MSANTD3: variants seen among roughly 807,000 people sequenced by gnomAD.
MSANTD3 encodes Myb/SANT DNA binding domain containing 3, also known as myb/SANT-like DNA-binding domain-containing protein 3.
MSANTD3 carries 11 observed loss-of-function variants against 27.7 expected under a neutral mutation model. The observed-to-expected ratio is 0.40, with a 90% CI of 0.25 to 0.66. MSANTD3 has a LOEUF of 0.66. Among genes scored for constraint, MSANTD3 ranks in the 30% least tolerant of loss-of-function variants. MSANTD3 has a pLI of 0.41. For synonymous variants in MSANTD3, 131 were observed against 127.2 expected (o/e 1.03, Z -0.20); for missense variants, 250 against 336.5 (o/e 0.74, Z 2.01).
intron 2 of MSANTD3, among the ~76,000 whole-genome samples, chr9:100,446,093 C>T (rs1340204536): frequency 6.6e-6 from 1 of 152,086 alleles, no homozygotes; most frequent in Non-Finnish European, 1.5e-5. Context: ...GCTAGGATGA[C>T]CAAAGGTCAA....
intron 2 of MSANTD3, among the ~76,000 whole-genome samples, chr9:100,447,133 G>T (rs577468292): frequency 1.1e-4 from 16 of 152,104 alleles, no homozygotes; most frequent in Admixed American, 1.0e-3. Flanking sequence ...AGATTGAGTT[G>T]TTTTCTCCTT....
In MSANTD3 at chr9:100,451,019, G is replaced by A. The variant is rs1265360189; in HGVS notation, c.*53G>A. On this transcript the variant is annotated 3_prime_UTR_variant, in exon 3 of 3. Coordinates refer to ENST00000395067, the MANE Select transcript of MSANTD3 (RefSeq NM_080655.3). ...AATCTGTGTTGGCAAAGAATGTCTG[G>A]AACATGGACTTGGCGGTCAGTAACC... 1 of 1,511,146 alleles carries A rather than the reference G, an allele frequency of 6.6e-7. No homozygotes were observed. The highest frequency in any genetic ancestry group is 8.8e-7 in the Non-Finnish European group (1 of 1,130,044). 93.6% of individuals were successfully genotyped at this position (1,511,146 alleles called of 1,614,324 possible). A position where few individuals can be genotyped will look rare whatever the true frequency, so the allele number is the denominator to read the frequency against.
At chr9:100,449,535 G>A (rs1341777869) in intron 2 of MSANTD3, among the ~76,000 whole-genome samples, 3 of 152,278 alleles carry the variant, frequency 2.0e-5, no homozygotes, top group South Asian at 4.1e-4. Flanking sequence ...TTAAAAAAGC[G>A]AGACTACAGT....
At chr9:100,442,427 C>G (rs1836650397) in intron 2 of MSANTD3, 71 bp downstream of exon 2, 1 of 1,512,382 alleles carries the variant, frequency 6.6e-7, no homozygotes, top group Admixed American at 2.3e-5. Flanking sequence ...TTAAAACCCT[C>G]CACTTTGAGG....
chr9:100,434,610 CTT>C (rs1401126750), intron 1 of MSANTD3, among the ~76,000 whole-genome samples: 1 of 152,206 alleles, frequency 6.6e-6, no homozygotes, highest in Admixed American at 6.5e-5. Context: ...CAGGCCTTCT[CTT>C]ATCAATTATT....
intron 2 of MSANTD3, chr9:100,449,299 T>G (rs1038916986): frequency 2.1e-6 from 2 of 959,604 alleles, no homozygotes; most frequent in African/African-American, 1.8e-5. Context: ...ATCCATATAC[T>G]CTTCCCTTTA....
At chr9:100,434,433 A>G (rs1836433197) in intron 1 of MSANTD3, among the ~76,000 whole-genome samples, 1 of 152,114 alleles carries the variant, frequency 6.6e-6, no homozygotes, top group African/African-American at 2.4e-5. Flanking sequence ...GGGAAGCTGA[A>G]GCAGGAGTAT....
rs1192342008 is a variant in MSANTD3, at chr9:100,451,256, GT to G, written c.*301del. 3,294 of 220,226 alleles carry G rather than the reference GT, an allele frequency of 0.015. 1 individual carries two copies. Among genetic ancestry groups the G allele is most frequent in the East Asian group, 0.023 (268 of 11,806 alleles). 13.6% of individuals were successfully genotyped at this position (220,226 alleles called of 1,614,324 possible). On this transcript the variant is annotated 3_prime_UTR_variant, in exon 3 of 3. Transcript: ENST00000395067. ...ACCACGTGTGAGTGTTGTTGTTGTT[GT>G]TTTTTTTTTTAATCAAATGCAAGTG...
chr9:100,445,019 T>A (rs1429079873), intron 2 of MSANTD3: 11 of 596,450 alleles, frequency 1.8e-5, no homozygotes. Flanking sequence ...TGTGTCCAGG[T>A]CCCATCTGGA....
At chr9:100,449,115 G>C (rs768670140) in intron 2 of MSANTD3, 2 of 985,186 alleles carry the variant, frequency 2.0e-6, no homozygotes, top group Non-Finnish European at 1.2e-6. Context: ...GAAGATGCTC[G>C]TTATTGGAAA....
In MSANTD3 at chr9:100,451,094, T is replaced by A; in HGVS notation, c.*128T>A. ...ATTAGAGTGGTAGTAGTCACTTATT[T>A]AAGAATTCATTCAGGTAAACAGCTG... On this transcript the variant is annotated 3_prime_UTR_variant, in exon 3 of 3. Coordinates refer to ENST00000395067, the MANE Select transcript of MSANTD3 (RefSeq NM_080655.3). 4 of 909,980 alleles carry A rather than the reference T, an allele frequency of 4.4e-6. No homozygotes were observed. The highest frequency in any genetic ancestry group is 6.6e-6 in the Non-Finnish European group (4 of 610,562). The allele number at this position is 909,980 out of a possible 1,614,324, so 56.4% of individuals were successfully genotyped here.
intron 1 of MSANTD3, among the ~76,000 whole-genome samples, chr9:100,430,424 T>A (rs573191300): frequency 6.6e-6 from 1 of 151,740 alleles, no homozygotes; most frequent in East Asian, 1.9e-4. Flanking sequence ...TTGGTCTGGT[T>A]AGGTTGAAAA....
rs539663451 is a variant in MSANTD3 at position 100,448,942 on chromosome 9, A to G, written c.419-1615A>G. 1.4e-5 allele frequency: 14 copies of G among 985,222 alleles called. No homozygotes were observed. The East Asian group carries it at 3.4e-4, about 24-fold the overall frequency. 61.0% of individuals were successfully genotyped at this position (985,222 alleles called of 1,614,324 possible). Reference sequence around the variant, plus strand: ...TTGTTACTTTACCTCTTGGAGTGGAATAATTAAACAGTAGCCATTTTCCTT... The same window carrying G: ...TTGTTACTTTACCTCTTGGAGTGGAGTAATTAAACAGTAGCCATTTTCCTT... On this transcript the variant is annotated intron_variant, in intron 2 of 2. Transcript: ENST00000395067.
At chr9:100,448,529 A>G (rs1836811768) in intron 2 of MSANTD3, 2 of 985,198 alleles carry the variant, frequency 2.0e-6, no homozygotes, top group Middle Eastern at 5.2e-4. Context: ...TTCCTTCTCC[A>G]TGGTTGGGCG....
intron 1 of MSANTD3, among the ~76,000 whole-genome samples, chr9:100,439,020 C>T (rs1836542506): frequency 6.6e-6 from 1 of 152,142 alleles, no homozygotes; most frequent in South Asian, 2.1e-4. Context: ...GTCCGAACCT[C>T]CCAGTGTCTG....
Position 100,431,604 on chromosome 9 carries a change from C to G in MSANTD3, c.-34+4211C>G, listed in dbSNP as rs192357662. Among the ~76,000 whole-genome samples, 13 of 150,366 alleles carry G rather than the reference C, an allele frequency of 8.6e-5. No individual in the cohort carries two copies. In the East Asian group the frequency reaches 2.3e-3, roughly 27 times the overall value. On this transcript the variant is annotated intron_variant, in intron 1 of 2. Transcript: ENST00000395067. The stretch of plus-strand genomic sequence containing the variant: ...GGTGTGAGCCACTGTGCCTGCGTCC[C>G]CACTCCCAACTTTTTTTTTAAAACA...
At chr9:100,431,321 A>T (rs1028516971) in intron 1 of MSANTD3, among the ~76,000 whole-genome samples, 12 of 122,722 alleles carry the variant, frequency 9.8e-5, no homozygotes, top group African/African-American at 2.5e-4. Context: ...TTTTTTTTTT[A>T]AAGAGACAGC....
chr9:100,439,639 A>G (rs1480015497), intron 1 of MSANTD3, among the ~76,000 whole-genome samples: 1 of 150,488 alleles, frequency 6.6e-6, no homozygotes, highest in African/African-American at 2.5e-5. Flanking sequence ...CCTCCCGAAT[A>G]GCTGGGACTA....
rs529362356 is a variant in MSANTD3, at chr9:100,440,780, CTTTTTTTT to C, written c.-33-1106_-33-1099del. Among the ~76,000 whole-genome samples the C allele has an allele frequency of 2.4e-3, 204 of 85,700 alleles. 8 individuals carry two copies. In the East Asian group the frequency reaches 0.066, roughly 28 times the overall value. The allele number at this position is 85,700 out of a possible 152,430, so 56.2% of individuals were successfully genotyped here. On this transcript the variant is annotated intron_variant, in intron 1 of 2. Coordinates refer to ENST00000395067, the MANE Select transcript of MSANTD3 (RefSeq NM_080655.3). The stretch of plus-strand genomic sequence containing the variant: ...TATTTTTTTTTCTTCTTTTTCTTCC[CTTTTTTTT>C]TTTTTTTTTTTTTTTTTTTAGAGAC...
Sources: gnomAD v4.1 joint callset for allele counts (sites outside exome capture counted in the v4.1 genomes callset) on GRCh38, gnomAD v4.1.1 for gene constraint, MANE v1.5 for transcripts, NCBI Gene and HGNC (gene_info 2026-07-23, HGNC 2026-07-21) for gene names.